GRIP1: variants seen among roughly 807,000 people sequenced by gnomAD.
GRIP1 encodes glutamate receptor-interacting protein 1.
Under a neutral mutation model 129.9 loss-of-function variants are expected in GRIP1, and 45 were observed. That is an observed-to-expected ratio of 0.35 (90% CI 0.27 to 0.44). GRIP1 has a LOEUF of 0.44. Ranked by LOEUF, GRIP1 falls within the 20% of genes least tolerant of loss-of-function variation. GRIP1 has a pLI of 1.00. For missense variants in GRIP1, 1,196 were observed against 1,396.8 expected (o/e 0.86, Z 2.29); for synonymous variants, 530 against 520.8 (o/e 1.02, Z -0.24).
chr12:66,391,856 G>T (rs1260975636), intron 19 of GRIP1, among the ~76,000 whole-genome samples: 1 of 146,664 alleles, frequency 6.8e-6, no homozygotes, highest in African/African-American at 2.5e-5. Context: ...GTCTCTAAAA[G>T]AAAAAAAAAA....
intron 1 of GRIP1, among the ~76,000 whole-genome samples, chr12:66,935,807 TA>T (rs1422717366): frequency 6.6e-6 from 1 of 152,260 alleles, no homozygotes; most frequent in East Asian, 1.9e-4. Flanking sequence ...GAACACAGTT[TA>T]AATATTCAGC....
At chr12:66,839,401 G>A (rs986704736) in intron 1 of GRIP1, among the ~76,000 whole-genome samples, 5 of 152,080 alleles carry the variant, frequency 3.3e-5, no homozygotes, top group African/African-American at 1.2e-4. Flanking sequence ...AGAATTATGA[G>A]AATTTTCAAA....
chr12:66,376,867 A>G (rs956682212), intron 22 of GRIP1, 150 bp downstream of exon 22: 10 of 767,816 alleles, frequency 1.3e-5, no homozygotes, highest in African/African-American at 1.2e-4. Flanking sequence ...AGCAGGGAGC[A>G]ATGGCAGAAG....
At chr12:66,808,593 C>T (rs1336710917), upstream of GRIP1, among the ~76,000 whole-genome samples, 1 of 149,240 alleles carries the variant, frequency 6.7e-6, no homozygotes, top group East Asian at 1.9e-4. Flanking sequence ...CACTGTTTTT[C>T]TGTTTTGTTT....
At chr12:66,801,389 T>C (rs1244686240) in intron 1 of GRIP1, among the ~76,000 whole-genome samples, 1 of 152,144 alleles carries the variant, frequency 6.6e-6, no homozygotes, top group Admixed American at 6.5e-5. Context: ...TCTATCATCA[T>C]TGTCACTGCT....
intron 1 of GRIP1, among the ~76,000 whole-genome samples, chr12:66,815,820 A>ATTTCTTTCTTTCTTTTTC (rs1392043505): frequency 1.3e-4 from 16 of 118,564 alleles, no homozygotes; most frequent in African/African-American, 5.6e-4. Context: ...AAGATGAAAG[A>ATTTCTTTCTTTCTTTTTC]TTTCTTTCTT....
intron 16 of GRIP1, 136 bp from the exon 17 acceptor site, chr12:66,394,488 G>T: frequency 1.3e-6 from 1 of 780,446 alleles, no homozygotes. Context: ...ATTTTGGGAA[G>T]TAGCATTTCC....
intron 19 of GRIP1, among the ~76,000 whole-genome samples, chr12:66,380,104 T>C (rs189135064): frequency 6.6e-6 from 1 of 152,072 alleles, no homozygotes; most frequent in East Asian, 1.9e-4. Context: ...GAGACAGGGT[T>C]TTACCATGTT....
chr12:66,584,174 C>T (rs1285373399), intron 2 of GRIP1, among the ~76,000 whole-genome samples: 1 of 147,668 alleles, frequency 6.8e-6, no homozygotes, highest in Non-Finnish European at 1.5e-5. Context: ...AACCAAACAC[C>T]GCATATTCTC....
At chr12:66,812,195 G>A (rs757757414) in intron 1 of GRIP1, among the ~76,000 whole-genome samples, 2 of 152,024 alleles carry the variant, frequency 1.3e-5, no homozygotes, top group Non-Finnish European at 2.9e-5. Context: ...ATGGAGTGGC[G>A]CAATCTTGGC....
intron 1 of GRIP1, among the ~76,000 whole-genome samples, chr12:66,699,326 T>C (rs1224956013): frequency 2.0e-5 from 3 of 152,196 alleles, no homozygotes; most frequent in African/African-American, 4.8e-5. Context: ...GAGAGTGATA[T>C]GGCTTGGCTG....
intron 1 of GRIP1, among the ~76,000 whole-genome samples, chr12:66,599,337 A>G (rs1440673091): frequency 6.6e-6 from 1 of 152,244 alleles, no homozygotes; most frequent in Non-Finnish European, 1.5e-5. Flanking sequence ...TGTAAAAGCA[A>G]TAATTCCTAA....
intron 2 of GRIP1, among the ~76,000 whole-genome samples, chr12:66,575,538 TGAA>T (rs1368589856): frequency 2.0e-5 from 3 of 152,210 alleles, no homozygotes; most frequent in Non-Finnish European, 4.4e-5. Context: ...TCCTTGTGTC[TGAA>T]GAGCAGAAGA....
At chr12:66,759,824 C>A (rs1397647602) in intron 1 of GRIP1, among the ~76,000 whole-genome samples, 4 of 151,778 alleles carry the variant, frequency 2.6e-5, no homozygotes, top group Non-Finnish European at 5.9e-5. Context: ...GAAACCACCT[C>A]AGCTTGGACC....
chr12:66,877,569 A>T (rs2040404108), intron 1 of GRIP1, among the ~76,000 whole-genome samples: 1 of 152,132 alleles, frequency 6.6e-6, no homozygotes. Flanking sequence ...CCAAAAATCA[A>T]AAGTTAATTA....
chr12:66,935,018 G>A (rs953587702), intron 1 of GRIP1, among the ~76,000 whole-genome samples: 1 of 152,132 alleles, frequency 6.6e-6, no homozygotes, highest in African/African-American at 2.4e-5. Context: ...TTCCAGAAAA[G>A]GCTTGAATCA....
chr12:66,836,981 T>C (rs1030112573), intron 1 of GRIP1, among the ~76,000 whole-genome samples: 3 of 152,196 alleles, frequency 2.0e-5, no homozygotes, highest in African/African-American at 7.2e-5. Context: ...AACTGGAGGT[T>C]GGAGAGAAGG....
At chr12:67,058,316 A>T (rs766939874) in intron 1 of GRIP1, among the ~76,000 whole-genome samples, 5 of 152,250 alleles carry the variant, frequency 3.3e-5, no homozygotes, top group Non-Finnish European at 5.9e-5. Context: ...TGTGATGTCA[A>T]ATTGTGTATC....
intron 1 of GRIP1, among the ~76,000 whole-genome samples, chr12:66,832,930 T>C (rs1382135643): frequency 6.6e-6 from 1 of 152,210 alleles, no homozygotes; most frequent in Non-Finnish European, 1.5e-5. Flanking sequence ...CACAGACACC[T>C]AAACTTTCTG....
Sources: gnomAD v4.1 joint callset for allele counts (sites outside exome capture counted in the v4.1 genomes callset) on GRCh38, gnomAD v4.1.1 for gene constraint, MANE v1.5 for transcripts, NCBI Gene and HGNC (gene_info 2026-07-23, HGNC 2026-07-21) for gene names.